Variants in PNKD observed in about 807,000 individuals in gnomAD.
PNKD encodes PNKD metallo-beta-lactamase domain containing.
Under a neutral mutation model 45.3 loss-of-function variants are expected in PNKD, and 36 were observed. That is an observed-to-expected ratio of 0.80 (90% CI 0.61 to 1.05). PNKD has a LOEUF of 1.05. Ranked by LOEUF, PNKD falls within the 50% of genes least tolerant of loss-of-function variation. The pLI is 0.00. For missense variants in PNKD, 511 were observed against 506.6 expected, an observed-to-expected ratio of 1.01 and a Z score of -0.08; for synonymous variants, 197 against 210.1, an observed-to-expected ratio of 0.94 and a Z score of 0.54.
chr2:218,274,590 GTC>G (rs1383905198), intron 2 of PNKD: 1 of 155,312 alleles, frequency 6.4e-6, no homozygotes, highest in East Asian at 1.9e-4. Context: ...CCCGCACCGA[GTC>G]TCTCTTCACC....
intron 2 of PNKD, among the ~76,000 whole-genome samples, chr2:218,323,591 G>A (rs1166855234): frequency 6.6e-6 from 1 of 150,596 alleles, no homozygotes; most frequent in Non-Finnish European, 1.5e-5. Flanking sequence ...AAGCCACTGA[G>A]TTGGGGGGCC....
chr2:218,322,949 G>A (rs1279921741), intron 2 of PNKD, among the ~76,000 whole-genome samples: 1 of 152,092 alleles, frequency 6.6e-6, no homozygotes, highest in Non-Finnish European at 1.5e-5. Flanking sequence ...CGGGCGGGGC[G>A]AACTGCGAGC....
rs34014804 is a variant in PNKD, at chr2:218,340,748, G to A, written c.486G>A (p.Gly162=). 0.045 allele frequency: 72,425 copies of A among 1,613,360 alleles called. 1,975 individuals carry two copies. Among genetic ancestry groups the A allele is most frequent in the African/African-American group, 0.1 (7,812 of 74,956 alleles). The part of the protein sequence containing the change: ...RAVQASIEKE[G]VTLVAILCTH... ...CGCAGGCTTCCATTGAAAAGGAAGG[G>A]GTCACCTTGGTCGCCATTCTGTGTA... Residue 162 remains glycine (G), a synonymous_variant, in exon 5 of 10, where the codon GGG becomes GGA. Transcript: ENST00000273077. The surrounding 1 kb of genome is among the most constrained non-coding windows in gnomAD (Gnocchi z 4.2).
chr2:218,280,469 ACAGGGGATGGGGACAGAG>A, intron 2 of PNKD: 1 of 321,278 alleles, frequency 3.1e-6, no homozygotes, highest in East Asian at 8.4e-5. Flanking sequence ...CCAGGGCAGA[ACAGGGGATGGGGACAGAG>A]GGTAGGAGAA....
rs1691361852 is a variant in PNKD, at chr2:218,277,638, A to C, written c.236+6089A>C. The C allele has an allele frequency of 6.2e-7, 1 of 1,614,218 alleles. No homozygotes were observed. The highest frequency in any genetic ancestry group is 1.3e-5 in the African/African-American group (1 of 75,058). On this transcript the variant is annotated intron_variant, in intron 2 of 9. Transcript: ENST00000273077. ...TGCTTTATCCCTGAATGTACCTGGAAATGGTGCCCGTCATGAAGCCCATGG... is the reference window on the plus strand; with the variant it reads ...TGCTTTATCCCTGAATGTACCTGGACATGGTGCCCGTCATGAAGCCCATGG...
intron 2 of PNKD, among the ~76,000 whole-genome samples, chr2:218,325,330 C>G (rs1694120769): frequency 6.6e-6 from 1 of 151,172 alleles, no homozygotes; most frequent in Non-Finnish European, 1.5e-5. Flanking sequence ...GCCTCAGCCT[C>G]CTGAGTAGCT....
intron 2 of PNKD, among the ~76,000 whole-genome samples, chr2:218,324,011 C>T (rs1348450467): frequency 6.6e-6 from 1 of 152,208 alleles, no homozygotes; most frequent in African/African-American, 2.4e-5. Flanking sequence ...CAAAGCCTGG[C>T]CCGTGTGGAA....
At chr2:218,299,298 G>C (rs1693215186) in intron 2 of PNKD, among the ~76,000 whole-genome samples, 1 of 151,686 alleles carries the variant, frequency 6.6e-6, no homozygotes, top group African/African-American at 2.4e-5. Context: ...CCCGCCACCA[G>C]GCCCAGCTAA....
intron 2 of PNKD, among the ~76,000 whole-genome samples, chr2:218,288,686 G>A (rs1450833068): frequency 7.2e-5 from 11 of 152,084 alleles, no homozygotes; most frequent in Non-Finnish European, 1.2e-4. Flanking sequence ...CCCCAAATCC[G>A]AAAAAATCCA....
intron 2 of PNKD, among the ~76,000 whole-genome samples, chr2:218,313,230 C>T (rs1431662587): frequency 6.6e-6 from 1 of 152,070 alleles, no homozygotes; most frequent in African/African-American, 2.4e-5. Flanking sequence ...CCTGTCTCAG[C>T]CTCCTGAGTA....
chr2:218,325,198 CT>C (rs746439948), intron 2 of PNKD, among the ~76,000 whole-genome samples: 577 of 39,720 alleles, frequency 0.015, 5 homozygotes, highest in African/African-American at 0.068. Flanking sequence ...CGCACCCGGC[CT>C]TTTTTTTTTT....
intron 6 of PNKD, 136 bp from the exon 7 acceptor site, chr2:218,341,845 G>A (rs370418526): frequency 1.2e-5 from 10 of 814,288 alleles, no homozygotes; most frequent in South Asian, 2.9e-5. Flanking sequence ...CCTGAGACCC[G>A]AGGCACTGGG....
chr2:218,319,371 C>CTTT (rs35553031), intron 2 of PNKD, among the ~76,000 whole-genome samples: 1,326 of 80,082 alleles, frequency 0.017, 37 homozygotes, highest in Middle Eastern at 0.024. Context: ...TCTTGTTTGT[C>CTTT]TTTTTTTTTT....
At chr2:218,280,333 T>G in intron 2 of PNKD, 2 of 510,170 alleles carry the variant, frequency 3.9e-6, no homozygotes, top group Non-Finnish European at 3.6e-6. Context: ...GTGGGAAACG[T>G]TCCTCACGTG....
intron 2 of PNKD, chr2:218,284,197 G>A (rs1220364206): frequency 6.7e-6 from 1 of 150,258 alleles, no homozygotes; most frequent in African/African-American, 2.4e-5. Context: ...TGGCCGGAAA[G>A]GCTCTGTGGG....
intron 2 of PNKD, 50 bp from the exon 3 acceptor site, chr2:218,339,733 G>A: frequency 8.8e-7 from 1 of 1,131,418 alleles, no homozygotes; most frequent in Admixed American, 1.7e-5. Flanking sequence ...AAGGAGTCTA[G>A]GGGAGCTAGG....
At chr2:218,324,123 A>C (rs1213737226) in intron 2 of PNKD, among the ~76,000 whole-genome samples, 1 of 151,260 alleles carries the variant, frequency 6.6e-6, no homozygotes, top group Non-Finnish European at 1.5e-5. Flanking sequence ...GCCTCCCTCT[A>C]CCCCTTCCTT....
At chr2:218,282,186 A>T (rs909050091) in intron 2 of PNKD, 1 of 1,401,092 alleles carries the variant, frequency 7.1e-7, no homozygotes, top group African/African-American at 1.5e-5. Flanking sequence ...TGGGACCTGA[A>T]ATGGGAGAGG....
chr2:218,330,940 C>G (rs1213320216), intron 2 of PNKD, among the ~76,000 whole-genome samples: 1 of 152,228 alleles, frequency 6.6e-6, no homozygotes, highest in Non-Finnish European at 1.5e-5. Flanking sequence ...CTTACTGGCC[C>G]AGCCTGCAAG....
Sources: gnomAD v4.1 joint callset for allele counts (sites outside exome capture counted in the v4.1 genomes callset) on GRCh38, gnomAD v4.1.1 for gene constraint, Gnocchi (gnomAD v3.1) non-coding constraint, MANE v1.5 for transcripts, NCBI Gene and HGNC (gene_info 2026-07-23, HGNC 2026-07-21) for gene names.